The following DENND4C variants were observed in gnomAD, a reference collection of about 807,000 sequenced individuals.
DENND4C encodes DENN domain containing 4C.
A neutral mutation model predicts 203.0 loss-of-function variants in DENND4C; 108 were observed. The ratio of observed to expected loss-of-function variants is 0.53; its 90% confidence interval spans 0.46 to 0.62. The LOEUF (loss-of-function observed/expected upper bound fraction) is 0.62. DENND4C is among the 20% of genes least tolerant of loss of function. The pLI, the probability that DENND4C is intolerant of heterozygous loss-of-function variation, is 0.00. For missense variants in DENND4C, 2,481 were observed against 2,301.2 expected, an observed-to-expected ratio of 1.08 and a Z score of -1.60; for synonymous variants, 871 against 792.4, an observed-to-expected ratio of 1.10 and a Z score of -1.67.
intron 2 of DENND4C, among the ~76,000 whole-genome samples, chr9:19,278,909 G>A (rs4977295): frequency 0.23 from 35,162 of 151,762 alleles, 4,201 homozygotes; most frequent in East Asian, 0.43. Context: ...GGGGAAGATA[G>A]TTAAGGGCCT....
chr9:19,261,707 A>G (rs181472245), intron 1 of DENND4C, among the ~76,000 whole-genome samples: 56 of 151,124 alleles, frequency 3.7e-4, no homozygotes, highest in African/African-American at 1.2e-3. Context: ...ACTTCTTGCT[A>G]TGTTGCCCAG....
intron 2 of DENND4C, among the ~76,000 whole-genome samples, chr9:19,277,342 T>G (rs1383385798): frequency 2.0e-5 from 3 of 152,164 alleles, no homozygotes; most frequent in African/African-American, 4.8e-5. Context: ...TTTCCATTGG[T>G]TTAGGTCTTC....
At chr9:19,330,454 C>G (rs2131764050) in intron 16 of DENND4C, among the ~76,000 whole-genome samples, 1 of 150,952 alleles carries the variant, frequency 6.6e-6, no homozygotes, top group Non-Finnish European at 1.5e-5. Context: ...ATTCTCCTGC[C>G]TCAGCCTCCT....
At chr9:19,305,817 C>T (rs955563970) in intron 10 of DENND4C, among the ~76,000 whole-genome samples, 2 of 152,162 alleles carry the variant, frequency 1.3e-5, no homozygotes, top group East Asian at 1.9e-4. Flanking sequence ...AATGGTTAAA[C>T]ACTGCTTTCA....
intron 1 of DENND4C, among the ~76,000 whole-genome samples, chr9:19,251,974 C>T (rs1447247106): frequency 1.3e-5 from 2 of 152,202 alleles, no homozygotes; most frequent in African/African-American, 2.4e-5. Flanking sequence ...TTACCCAGTT[C>T]GAAAGTCGCT....
Position 19,321,583 on chromosome 9 carries a change from G to A in DENND4C, c.1808-2779G>A, listed in dbSNP as rs191901286. On this transcript the variant is annotated intron_variant, in intron 12 of 32. Transcript: ENST00000434457. Reference sequence around the variant, plus strand: ...ATAGAGGCCAGACGCAGTGGCTCACGCCTGTAATCCCAGCATTTTGGGAGG... The same window carrying A: ...ATAGAGGCCAGACGCAGTGGCTCACACCTGTAATCCCAGCATTTTGGGAGG... Among the ~76,000 whole-genome samples, 212 of 152,036 alleles carry A rather than the reference G, an allele frequency of 1.4e-3. 1 individual carries two copies. Among genetic ancestry groups the A allele is most frequent in the African/African-American group, 4.7e-3 (193 of 41,442 alleles).
At chr9:19,322,958 CTG>C (rs1195329785) in intron 12 of DENND4C, among the ~76,000 whole-genome samples, 1 of 152,040 alleles carries the variant, frequency 6.6e-6, no homozygotes, top group African/African-American at 2.4e-5. Flanking sequence ...GGGACTGTGA[CTG>C]TGTGTTGAAG....
At chr9:19,368,882 T>TG (rs1185884498) in intron 30 of DENND4C, among the ~76,000 whole-genome samples, 5 of 152,168 alleles carry the variant, frequency 3.3e-5, no homozygotes, top group African/African-American at 1.2e-4. Context: ...TAGACATGGT[T>TG]GGCTCATGCT....
At chr9:19,245,010 C>A (rs1049447603) in intron 1 of DENND4C, among the ~76,000 whole-genome samples, 1 of 152,146 alleles carries the variant, frequency 6.6e-6, no homozygotes, top group Non-Finnish European at 1.5e-5. Flanking sequence ...GTTTGCAGAT[C>A]GCAGGTTTCT....
chr9:19,267,684 A>G (rs911431907), intron 1 of DENND4C, among the ~76,000 whole-genome samples: 4 of 151,984 alleles, frequency 2.6e-5, no homozygotes, highest in Non-Finnish European at 5.9e-5. Flanking sequence ...CTACAGGCAC[A>G]TGACACTGCA....
intron 5 of DENND4C, among the ~76,000 whole-genome samples, chr9:19,294,498 T>C (rs1837019006): frequency 6.6e-6 from 1 of 152,154 alleles, no homozygotes; most frequent in African/African-American, 2.4e-5. Context: ...AAGTTAAACT[T>C]AGAATTACCA....
intron 12 of DENND4C, among the ~76,000 whole-genome samples, chr9:19,323,301 G>A (rs553592144): frequency 1.7e-4 from 26 of 152,120 alleles, no homozygotes; most frequent in African/African-American, 5.8e-4. Context: ...GTGGTGATGG[G>A]CACCTGTAAT....
chr9:19,265,264 C>T (rs545196483), intron 1 of DENND4C, among the ~76,000 whole-genome samples: 1 of 152,022 alleles, frequency 6.6e-6, no homozygotes, highest in South Asian at 2.1e-4. Flanking sequence ...CAGTCTGTCC[C>T]CCTTGCTCTC....
intron 1 of DENND4C, among the ~76,000 whole-genome samples, chr9:19,231,339 G>A (rs960664572): frequency 6.6e-6 from 1 of 152,162 alleles, no homozygotes; most frequent in African/African-American, 2.4e-5. Context: ...GGGGACCTGG[G>A]CAGGTGTCTC....
chr9:19,313,842 A>G (rs1451744380), intron 10 of DENND4C, among the ~76,000 whole-genome samples: 1 of 152,174 alleles, frequency 6.6e-6, no homozygotes, highest in Non-Finnish European at 1.5e-5. Flanking sequence ...GCATATAGTA[A>G]TGAATTCTCA....
At chr9:19,277,532 G>A (rs150656285) in intron 2 of DENND4C, among the ~76,000 whole-genome samples, 589 of 152,124 alleles carry the variant, frequency 3.9e-3, no homozygotes, top group African/African-American at 0.013. Flanking sequence ...CAACTTTGCC[G>A]AATTTATTAG....
rs963783558 is a variant in DENND4C at position 19,260,049 on chromosome 9, A to G, written c.-17-16109A>G. On this transcript the variant is annotated intron_variant, in intron 1 of 32. Transcript: ENST00000434457. ...TTGAGGAACCTCTATACTATTCTCC[A>G]TAGTTACCATACTAGTTTGTGTTCC... Among the ~76,000 whole-genome samples the G allele has an allele frequency of 5.3e-5, 8 of 152,122 alleles. No homozygotes were observed. In the East Asian group the frequency reaches 7.7e-4, roughly 15 times the overall value.
intron 12 of DENND4C, among the ~76,000 whole-genome samples, chr9:19,319,181 G>A (rs1348264061): frequency 4.2e-5 from 6 of 142,376 alleles, no homozygotes; most frequent in Admixed American, 1.4e-4. Flanking sequence ...AAAAATATAT[G>A]TATATATATA....
chr9:19,312,043 C>A (rs1045843959), intron 10 of DENND4C, among the ~76,000 whole-genome samples: 4 of 152,106 alleles, frequency 2.6e-5, no homozygotes, highest in African/African-American at 7.2e-5. Context: ...ACTACTGTAG[C>A]GCTGTAAAAT....
Sources: allele counts gnomAD v4.1 joint callset (sites outside exome capture counted in the v4.1 genomes callset), GRCh38; gene constraint gnomAD v4.1.1; transcripts MANE v1.5; gene names NCBI Gene and HGNC (gene_info 2026-07-23, HGNC 2026-07-21).